REV1: variants seen among roughly 807,000 people sequenced by gnomAD.
REV1 encodes the protein REV1 DNA directed polymerase, also known as translesion synthesis protein REV1.
In REV1, 42 loss-of-function variants were observed where a neutral mutation model predicts 137.4. That is an observed-to-expected ratio of 0.31 (90% CI 0.24 to 0.40). The LOEUF (loss-of-function observed/expected upper bound fraction) is 0.40. Among genes scored for constraint, REV1 ranks in the 10% least tolerant of loss-of-function variants. The pLI, the probability that REV1 is intolerant of heterozygous loss-of-function variation, is 1.00. For missense variants in REV1, 1,282 were observed against 1,490.1 expected (o/e 0.86, Z 2.30); for synonymous variants, 524 against 519.2 (o/e 1.01, Z -0.12).
At chr2:99,464,889 C>G (rs754005416) in intron 2 of REV1, 33 bp downstream of exon 2, 6 of 1,588,280 alleles carry the variant, frequency 3.8e-6, no homozygotes, top group Non-Finnish European at 5.2e-6. Context: ...CTAGACAGTT[C>G]GATATAATTA....
chr2:99,489,363 A>G (rs1687437945), intron 1 of REV1, among the ~76,000 whole-genome samples: 1 of 152,090 alleles, frequency 6.6e-6, no homozygotes, highest in African/African-American at 2.4e-5. Context: ...CGCTTGTGGA[A>G]CGAACGCCCG....
At chr2:99,453,123 G>T (rs906665160) in intron 3 of REV1, among the ~76,000 whole-genome samples, 17 of 152,296 alleles carry the variant, frequency 1.1e-4, no homozygotes, top group Admixed American at 8.5e-4. Context: ...CACTCTGGGA[G>T]GCCAAGGGGG....
intron 1 of REV1, among the ~76,000 whole-genome samples, chr2:99,480,451 T>C (rs1686495159): frequency 1.3e-5 from 2 of 152,238 alleles, no homozygotes; most frequent in African/African-American, 4.8e-5. Flanking sequence ...GAATATATCA[T>C]ACTAAGAAGT....
At chr2:99,489,197 G>A (rs956442086) in intron 1 of REV1, among the ~76,000 whole-genome samples, 2 of 152,182 alleles carry the variant, frequency 1.3e-5, no homozygotes, top group South Asian at 2.1e-4. Context: ...TTAGCGAACG[G>A]ACAAGCAGCA....
rs556628782 is a variant in REV1 at position 99,457,700 on chromosome 2, A to G, written c.181+4796T>C. Among the ~76,000 whole-genome samples, 191 of 151,950 alleles carry G rather than the reference A, an allele frequency of 1.3e-3. 2 individuals carry two copies. Among genetic ancestry groups the G allele is most frequent in the Admixed American group, 4.3e-3 (65 of 15,250 alleles). ...ACCCTGTCTCAAGAAAAAAAAAAAAAAGAGAGAGAGAGGCGTAGGTCCTAG... is the reference window on the plus strand; with the variant it reads ...ACCCTGTCTCAAGAAAAAAAAAAAAGAGAGAGAGAGAGGCGTAGGTCCTAG... On this transcript the variant is annotated intron_variant, in intron 3 of 22. Transcript: ENST00000258428.
chr2:99,483,615 C>T (rs1193268341), intron 1 of REV1, among the ~76,000 whole-genome samples: 1 of 152,190 alleles, frequency 6.6e-6, no homozygotes, highest in Non-Finnish European at 1.5e-5. Context: ...TTTTCAACTG[C>T]ATTATAATAG....
At chr2:99,486,091 T>C (rs767209154) in intron 1 of REV1, among the ~76,000 whole-genome samples, 1 of 151,998 alleles carries the variant, frequency 6.6e-6, no homozygotes, top group Non-Finnish European at 1.5e-5. Context: ...CACCACTGCA[T>C]TCCAGCTTGG....
chr2:99,453,292 G>C (rs909435457), intron 3 of REV1, among the ~76,000 whole-genome samples: 2 of 151,320 alleles, frequency 1.3e-5, no homozygotes, highest in African/African-American at 4.9e-5. Flanking sequence ...CCAGGAGGTA[G>C]AGGTTGCAAT....
chr2:99,429,834 A>T lies in REV1; in HGVS notation c.1547+6T>A. ...TTAAGAATTGTAACACACAACTTCTACATACCTGGCCTCATAACTACAAGA... is the reference window on the plus strand; with the variant it reads ...TTAAGAATTGTAACACACAACTTCTTCATACCTGGCCTCATAACTACAAGA... On this transcript the variant is annotated splice_donor_region_variant and intron_variant, in intron 9 of 22. Transcript: ENST00000258428. 1.3e-6 allele frequency: 2 copies of T among 1,524,284 alleles called. No individual in the cohort carries two copies. Among genetic ancestry groups the T allele is most frequent in the Non-Finnish European group, 1.8e-6 (2 of 1,122,070 alleles). 94.4% of individuals were successfully genotyped at this position (1,524,284 alleles called of 1,614,324 possible).
rs1284310338 is a variant in REV1 at position 99,412,912 on chromosome 2, C to A, written c.1991G>T (p.Gly664Val). The A allele has an allele frequency of 6.2e-7, 1 of 1,614,052 alleles. No individual in the cohort carries two copies. The highest frequency in any genetic ancestry group is 1.1e-5 in the South Asian group (1 of 91,076). Reference protein sequence around the residue: ...HSMESKLASLGIKTCGDLQYM... With the variant: ...HSMESKLASLVIKTCGDLQYM... ...CTGCAAGTCTCCACAAGTTTTAATT[C>A]CCAAAGATGCCAACTTAGATTCCAT... The change falls in exon 13 of 23, where the codon GGA becomes GTA. Residue 664 changes from glycine (G) to valine (V), a missense_variant. Gly to Val is a moderately radical substitution (Grantham distance 109). Coordinates refer to ENST00000258428, the MANE Select transcript of REV1 (RefSeq NM_016316.4).
intron 16 of REV1, 27 bp downstream of exon 16, chr2:99,406,298 A>G: frequency 6.3e-7 from 1 of 1,582,026 alleles, no homozygotes; most frequent in Non-Finnish European, 8.6e-7. Flanking sequence ...CAGCACCTAA[A>G]AAAGAACCAC....
At chr2:99,410,940 T>A in intron 13 of REV1, 73 bp from the exon 14 acceptor site, 1 of 1,302,568 alleles carries the variant, frequency 7.7e-7, no homozygotes, top group Non-Finnish European at 1.0e-6. Context: ...TCAAGTATTT[T>A]AACTTTGAAT....
At chr2:99,434,300 G>C in intron 8 of REV1, 32 bp downstream of exon 8, 5 of 1,415,016 alleles carry the variant, frequency 3.5e-6, no homozygotes, top group Non-Finnish European at 4.9e-6. Context: ...ATCCACAGGA[G>C]CACTAAGACT....
chr2:99,406,366 A>G lies in REV1; in HGVS notation c.2573T>C (p.Val858Ala). The G allele has an allele frequency of 6.2e-7, 1 of 1,613,484 alleles. No individual in the cohort carries two copies. The highest frequency in any genetic ancestry group is 8.5e-7 in the Non-Finnish European group (1 of 1,179,650). Residue 858 changes from valine (V) to alanine (A), a missense_variant, in exon 16 of 23, where the codon GTT becomes GCT. By Grantham distance (64) the Val-to-Ala change is moderately conservative. This residue lies in a region of REV1 where 372 missense variants were observed against 482.3 expected (regional missense o/e 0.77). Transcript: ENST00000258428. ...TTCGGTGGATTTCTTAGCTTTCTGA[A>G]CTTGGAAGACATCACGGACAGAGTA... ...GSYSVRDVFQVQKAKKSTEEE... is the reference protein window; with the variant it reads ...GSYSVRDVFQAQKAKKSTEEE...
intron 1 of REV1, among the ~76,000 whole-genome samples, chr2:99,474,416 A>T (rs1009467971): frequency 6.6e-6 from 1 of 152,240 alleles, no homozygotes; most frequent in East Asian, 1.9e-4. Context: ...TAATGGTATC[A>T]ATATGAACTG....
chr2:99,439,912 A>G (rs1297958228), intron 5 of REV1, among the ~76,000 whole-genome samples: 2 of 152,212 alleles, frequency 1.3e-5, no homozygotes, highest in African/African-American at 4.8e-5. Flanking sequence ...TTTCAGTAGG[A>G]AAAAAACTGA....
chr2:99,483,737 TG>T (rs1686858984), intron 1 of REV1, among the ~76,000 whole-genome samples: 2 of 152,172 alleles, frequency 1.3e-5, no homozygotes, highest in Non-Finnish European at 2.9e-5. Flanking sequence ...AGATACTAAG[TG>T]TTGCTGGTCT....
At chr2:99,464,818 A>T (rs1684616665) in intron 2 of REV1, 104 bp downstream of exon 2, 1 of 1,092,834 alleles carries the variant, frequency 9.2e-7, no homozygotes, top group African/African-American at 1.5e-5. Flanking sequence ...TGTGGTGTCT[A>T]AAGTAATTTA....
intron 19 of REV1, 28 bp downstream of exon 19, chr2:99,403,667 T>C (rs376178795): frequency 6.2e-7 from 1 of 1,613,954 alleles, no homozygotes; most frequent in Non-Finnish European, 8.5e-7. Flanking sequence ...TGTCTTCATT[T>C]TTGTTACATG....
Sources: gnomAD v4.1 joint callset for allele counts (sites outside exome capture counted in the v4.1 genomes callset) on GRCh38, gnomAD v4.1.1 for gene constraint, gnomAD v4.1.1 regional missense constraint, MANE v1.5 for transcripts, NCBI Gene and HGNC (gene_info 2026-07-23, HGNC 2026-07-21) for gene names.